Variants in C6orf62 observed in about 807,000 individuals in gnomAD.
The protein encoded by C6orf62 is chromosome 6 open reading frame 62, also known as uncharacterized protein C6orf62.
C6orf62 carries 16 observed loss-of-function variants against 26.8 expected under a neutral mutation model. The ratio of observed to expected loss-of-function variants is 0.60; its 90% CI spans 0.40 to 0.91. The LOEUF (loss-of-function observed/expected upper bound fraction) is 0.91. C6orf62 is among the 40% of genes least tolerant of loss of function. The pLI is 0.00. For synonymous variants in C6orf62, 112 were observed against 91.5 expected, an observed-to-expected ratio of 1.22 and a Z score of -1.28; for missense variants, 192 against 271.4, an observed-to-expected ratio of 0.71 and a Z score of 2.06.
At chr6:24,712,604 G>A (rs141366628) in intron 3 of C6orf62, among the ~76,000 whole-genome samples, 11 of 149,756 alleles carry the variant, frequency 7.3e-5, no homozygotes, top group African/African-American at 2.5e-4. Context: ...GGGAGGCGGA[G>A]GCAGAGGTTG....
rs1275892388 is a variant in C6orf62, at chr6:24,705,075, A to G, written c.*1062T>C. On this transcript the variant is annotated 3_prime_UTR_variant, in exon 5 of 5. Transcript: ENST00000378119. ...AAGCTTTTCTTCATTTAAAAGGAGA[A>G]AAAAAAAAAAACCTATACAGTAGTC... is the stretch of plus-strand genomic sequence containing the variant. The G allele has an allele frequency of 2.7e-5, 2 of 74,212 alleles. No individual in the cohort carries two copies. The highest frequency in any genetic ancestry group is 8.1e-4 in the East Asian group (1 of 1,230). 4.6% of individuals were successfully genotyped at this position (74,212 alleles called of 1,614,324 possible). A position where few individuals can be genotyped will look rare whatever the true frequency, so the allele number is the denominator to read the frequency against.
At chr6:24,718,411 C>CA (rs1265785280) in intron 1 of C6orf62, 129 bp downstream of exon 1, 5 of 892,294 alleles carry the variant, frequency 5.6e-6, no homozygotes, top group African/African-American at 5.1e-5. Flanking sequence ...GGTGAAAAAA[C>CA]AGAGCATACA....
At chr6:24,706,353 C>T in intron 4 of C6orf62, 91 bp from the exon 5 acceptor site, 1 of 1,519,484 alleles carries the variant, frequency 6.6e-7, no homozygotes, top group Non-Finnish European at 8.9e-7. Context: ...TATTAAACAT[C>T]TTAACATACA....
chr6:24,707,596 C>G (rs1779034524), intron 4 of C6orf62, among the ~76,000 whole-genome samples: 2 of 152,076 alleles, frequency 1.3e-5, no homozygotes, highest in African/African-American at 4.8e-5. Flanking sequence ...AGCAATCCTC[C>G]CCCATCGGCT....
rs575542274 is a variant in C6orf62, at chr6:24,709,495, C to T, written c.430-584G>A. ...CGTGACCGTATGCAAATCCCTTAAA[C>T]TTCAGCTTCCTCATCTATAAAATAA... On this transcript the variant is annotated intron_variant, in intron 3 of 4. Transcript: ENST00000378119. 23 of 671,198 alleles carry T rather than the reference C, an allele frequency of 3.4e-5. No homozygotes were observed. The East Asian group carries it at 2.3e-3, about 68-fold the overall frequency. 41.6% of individuals were successfully genotyped at this position (671,198 alleles called of 1,614,324 possible).
intron 2 of C6orf62, among the ~76,000 whole-genome samples, chr6:24,715,265 A>C (rs1017480741): frequency 2.0e-5 from 3 of 152,176 alleles, no homozygotes; most frequent in African/African-American, 7.2e-5. Flanking sequence ...TATCTCCAGC[A>C]TTCTCCCCAA....
chr6:24,718,741 G>A lies in C6orf62; in HGVS notation c.-73C>T. The A allele has an allele frequency of 6.3e-7, 1 of 1,588,066 alleles. No individual in the cohort carries two copies. The highest frequency in any genetic ancestry group is 8.5e-7 in the Non-Finnish European group (1 of 1,173,838). ...ATGGGCACTTTTTCTTAAGACTCAA[G>A]TACAACAGAAACAAGTCATTTTTTT... On this transcript the variant is annotated 5_prime_UTR_variant, in exon 1 of 5. Transcript: ENST00000378119.
chr6:24,716,965 C>T (rs1420475468), intron 1 of C6orf62, among the ~76,000 whole-genome samples: 4 of 152,112 alleles, frequency 2.6e-5, no homozygotes, highest in African/African-American at 7.2e-5. Flanking sequence ...TCAAGTGATC[C>T]GCCTGCCTCA....
At chr6:24,715,726 T>C (rs1779211922) in intron 2 of C6orf62, among the ~76,000 whole-genome samples, 1 of 151,538 alleles carries the variant, frequency 6.6e-6, no homozygotes, top group African/African-American at 2.4e-5. Context: ...CGCACAACTG[T>C]AGTCCCAGCT....
intron 3 of C6orf62, among the ~76,000 whole-genome samples, chr6:24,712,103 G>T (rs1338989475): frequency 6.6e-6 from 1 of 152,096 alleles, no homozygotes; most frequent in African/African-American, 2.4e-5. Flanking sequence ...GAAAGTCTAA[G>T]GCCAAGTGTG....
chr6:24,712,157 G>A (rs1011140028), intron 3 of C6orf62, among the ~76,000 whole-genome samples: 3 of 152,122 alleles, frequency 2.0e-5, no homozygotes, highest in Admixed American at 6.6e-5. Context: ...GGCCAAGCCA[G>A]GCAGATCACT....
In C6orf62 at chr6:24,716,140, G is replaced by A. The variant is rs376607713; in HGVS notation, c.306+8C>T. 8.1e-6 allele frequency: 13 copies of A among 1,611,764 alleles called. No homozygotes were observed. Among genetic ancestry groups the A allele is most frequent in the Non-Finnish European group, 1.1e-5 (13 of 1,178,260 alleles). ...CTTTATCAAGTCAAGACTTAAGGCA[G>A]AACTTACCCTTCTCATAGACTGATA... On this transcript the variant is annotated splice_region_variant and intron_variant, in intron 2 of 4. Coordinates refer to ENST00000378119, the MANE Select transcript of C6orf62 (RefSeq NM_030939.5).
intron 3 of C6orf62, among the ~76,000 whole-genome samples, chr6:24,712,762 A>C (rs1363163345): frequency 2.0e-5 from 3 of 151,734 alleles, no homozygotes; most frequent in Admixed American, 6.6e-5. Flanking sequence ...GACTTCAAAG[A>C]GTACTATTTG....
rs1581399460 is a variant in C6orf62 at position 24,716,239 on chromosome 6, C to T, written c.215G>A (p.Arg72Gln). The T allele has an allele frequency of 6.2e-7, 1 of 1,613,530 alleles. No homozygotes were observed. Among genetic ancestry groups the T allele is most frequent in the Non-Finnish European group, 8.5e-7 (1 of 1,179,470 alleles). ...ACTTTCCAAGGAATAGCTGGAATCT[C>T]GCACACCTTTCAGGATATTTTCTTC... ...NYEENILKGV[R>Q]DSSYSLESSL... The change falls in exon 2 of 5, where the codon CGA becomes CAA. Residue 72 changes from arginine to glutamine, a missense_variant. By Grantham distance (43) the Arg-to-Gln change is conservative. Coordinates refer to ENST00000378119, the MANE Select transcript of C6orf62 (RefSeq NM_030939.5).
rs193074922 is a variant in C6orf62 at position 24,710,591 on chromosome 6, T to C, written c.430-1680A>G. The C allele has an allele frequency of 2.1e-4, 200 of 972,292 alleles. 1 individual carries two copies. In the African/African-American group the frequency reaches 3.5e-3, roughly 17 times the overall value. The allele number at this position is 972,292 out of a possible 1,614,324, so 60.2% of individuals were successfully genotyped here. On this transcript the variant is annotated intron_variant, in intron 3 of 4. Transcript: ENST00000378119. ...AATTGGGTTCTTATCATCAAACCAC[T>C]ATAGGAGAAAAAAAAAAAAGTAACA...
intron 3 of C6orf62, 76 bp from the exon 4 acceptor site, chr6:24,708,987 G>A: frequency 6.3e-7 from 1 of 1,581,604 alleles, no homozygotes; most frequent in Non-Finnish European, 8.6e-7. Context: ...TGCTAGCTGT[G>A]CTGTCCAATA....
At chr6:24,707,523 A>G (rs945372523) in intron 4 of C6orf62, among the ~76,000 whole-genome samples, 3 of 151,834 alleles carry the variant, frequency 2.0e-5, no homozygotes, top group Non-Finnish European at 4.4e-5. Context: ...ATGTCCGGCT[A>G]ATTTCTTTGA....
intron 1 of C6orf62, 57 bp downstream of exon 1, chr6:24,718,479 CAAAT>C (rs1779282279): frequency 6.8e-7 from 1 of 1,462,020 alleles, no homozygotes; most frequent in African/African-American, 1.4e-5. Flanking sequence ...TTAAGAGTAA[CAAAT>C]AATATACACT....
At chr6:24,720,270 T>TGGCGGCGGCGGAAGA (rs1554193160), upstream of C6orf62, 28 of 1,294,452 alleles carry the variant, frequency 2.2e-5, no homozygotes, top group South Asian at 7.5e-5. Context: ...GGCGGAGCGG[T>TGGCGGCGGCGGAAGA]GGCGGCGGCG....
Sources: allele counts gnomAD v4.1 joint callset (sites outside exome capture counted in the v4.1 genomes callset), GRCh38; gene constraint gnomAD v4.1.1; transcripts MANE v1.5; gene names NCBI Gene and HGNC (gene_info 2026-07-23, HGNC 2026-07-21).